Variants in PPP4R3B observed in about 807,000 individuals in gnomAD.
PPP4R3B encodes the protein serine/threonine-protein phosphatase 4 regulatory subunit 3B.
Under a neutral mutation model 95.4 loss-of-function variants are expected in PPP4R3B, and 52 were observed. The observed-to-expected ratio is 0.54, with a 90% CI of 0.44 to 0.69. The LOEUF (loss-of-function observed/expected upper bound fraction) is 0.69, where lower values mean the gene tolerates loss of function less well. PPP4R3B is among the 30% of genes least tolerant of loss of function. The pLI, the probability that PPP4R3B is intolerant of heterozygous loss-of-function variation, is 0.00. For missense variants in PPP4R3B, 1,003 were observed against 1,005.9 expected, an observed-to-expected ratio of 1.00 and a Z score of 0.04; for synonymous variants, 407 against 343.9, an observed-to-expected ratio of 1.18 and a Z score of -2.03.
chr2:55,592,814 T>A lies in PPP4R3B; in HGVS notation c.922-3858A>T, dbSNP rs573714273. ...AATTAAAACTTTGTTCTGAAAAGGA[T>A]CTTATTCTATAACTGTTTGTGCAGA... On this transcript the variant is annotated intron_variant, in intron 4 of 16. Coordinates refer to ENST00000616407, the MANE Select transcript of PPP4R3B (RefSeq NM_001122964.3). Among the ~76,000 whole-genome samples, 3 of 152,320 alleles carry A rather than the reference T, an allele frequency of 2.0e-5. No individual in the cohort carries two copies. The South Asian group carries it at 6.2e-4, about 32-fold the overall frequency.
chr2:55,594,527 A>T (rs1236031756), intron 4 of PPP4R3B, among the ~76,000 whole-genome samples: 1 of 152,156 alleles, frequency 6.6e-6, no homozygotes, highest in Non-Finnish European at 1.5e-5. Flanking sequence ...AAAATGACAA[A>T]GTTTTACAAA....
In PPP4R3B at chr2:55,573,638, CT is replaced by C; in HGVS notation, c.1745del (p.Lys582SerfsTer13). 3 of 1,538,660 alleles carry C rather than the reference CT, an allele frequency of 1.9e-6. No homozygotes were observed. The highest frequency in any genetic ancestry group is 2.6e-6 in the Non-Finnish European group (3 of 1,143,524). On this transcript the variant is annotated frameshift_variant, in exon 12 of 17. Coordinates refer to ENST00000616407, the MANE Select transcript of PPP4R3B (RefSeq NM_001122964.3). LOFTEE classifies it high-confidence loss of function. ...LRRVLVLMNS[K>X]HTFLALCALR... ...ACTTACACAAGGCCAGAAAAGTGTG[CT>C]TTGAATTCATCAAGACCAAGACTCT... is the stretch of plus-strand genomic sequence containing the variant.
At chr2:55,581,210 G>A (rs1267095556) in intron 8 of PPP4R3B, among the ~76,000 whole-genome samples, 3 of 152,180 alleles carry the variant, frequency 2.0e-5, no homozygotes, top group South Asian at 2.1e-4. Context: ...CTGAGATCAC[G>A]CCACTGCACT....
At chr2:55,594,161 G>C (rs1410725501) in intron 4 of PPP4R3B, among the ~76,000 whole-genome samples, 2 of 152,092 alleles carry the variant, frequency 1.3e-5, no homozygotes, top group East Asian at 1.9e-4. Flanking sequence ...GGTAGGATGG[G>C]AGAGGACTGA....
intron 3 of PPP4R3B, among the ~76,000 whole-genome samples, chr2:55,603,453 T>C (rs532276108): frequency 6.6e-6 from 1 of 152,314 alleles, no homozygotes; most frequent in East Asian, 1.9e-4. Flanking sequence ...TTCTGCATTA[T>C]AGTTATATTT....
intron 4 of PPP4R3B, among the ~76,000 whole-genome samples, chr2:55,594,499 A>T (rs1028447544): frequency 1.8e-4 from 27 of 152,076 alleles, no homozygotes; most frequent in Non-Finnish European, 1.5e-5. Context: ...TCACAAATAA[A>T]CCTATTATAA....
intron 7 of PPP4R3B, among the ~76,000 whole-genome samples, chr2:55,584,100 T>A (rs927265384): frequency 6.6e-6 from 1 of 151,928 alleles, no homozygotes; most frequent in Non-Finnish European, 1.5e-5. Context: ...GAGCCGAGAA[T>A]GCGCCATTGC....
At chr2:55,576,164 T>C (rs1272929502) in intron 11 of PPP4R3B, among the ~76,000 whole-genome samples, 1 of 151,442 alleles carries the variant, frequency 6.6e-6, no homozygotes, top group Non-Finnish European at 1.5e-5. Flanking sequence ...CTGGCCAACA[T>C]GGTGAAACCC....
intron 9 of PPP4R3B, among the ~76,000 whole-genome samples, chr2:55,579,333 T>C (rs1689123225): frequency 6.6e-6 from 1 of 152,098 alleles, no homozygotes; most frequent in Non-Finnish European, 1.5e-5. Flanking sequence ...TCGCACAAAT[T>C]TGGCGACAAT....
chr2:55,552,708 G>A (rs1685388968), intron 16 of PPP4R3B, among the ~76,000 whole-genome samples: 1 of 152,144 alleles, frequency 6.6e-6, no homozygotes, highest in African/African-American at 2.4e-5. Context: ...TGAATTTCTG[G>A]TTGGACATTT....
chr2:55,600,881 G>A (rs1692470183), intron 3 of PPP4R3B, among the ~76,000 whole-genome samples: 1 of 152,142 alleles, frequency 6.6e-6, no homozygotes, highest in South Asian at 2.1e-4. Flanking sequence ...TGCCTAAGCT[G>A]GGCGCTGTGG....
chr2:55,560,795 A>G (rs1464620218), intron 15 of PPP4R3B, among the ~76,000 whole-genome samples: 1 of 53,568 alleles, frequency 1.9e-5, no homozygotes, highest in Admixed American at 2.3e-4. Flanking sequence ...AAAAAAAAAA[A>G]AAAAAAAAAA....
chr2:55,594,536 A>G (rs12470253), intron 4 of PPP4R3B, among the ~76,000 whole-genome samples: 13,710 of 152,168 alleles, frequency 0.09, 754 homozygotes, highest in South Asian at 0.14. Context: ...AAGTTTTACA[A>G]ATATTTATAG....
At chr2:55,560,863 G>A (rs188723710) in intron 15 of PPP4R3B, among the ~76,000 whole-genome samples, 31 of 150,952 alleles carry the variant, frequency 2.1e-4, no homozygotes, top group African/African-American at 7.0e-4. Flanking sequence ...TGAAGAAAGA[G>A]ATGGTCTGAA....
At chr2:55,613,104 C>T (rs1212636355) in intron 2 of PPP4R3B, among the ~76,000 whole-genome samples, 1 of 151,884 alleles carries the variant, frequency 6.6e-6, no homozygotes, top group Admixed American at 6.6e-5. Context: ...GAAGAAGACC[C>T]TCTCAAAAAA....
intron 9 of PPP4R3B, among the ~76,000 whole-genome samples, chr2:55,578,661 C>A (rs1467486813): frequency 6.6e-6 from 1 of 151,968 alleles, no homozygotes; most frequent in Non-Finnish European, 1.5e-5. Context: ...AACAATGCAG[C>A]AACATTCTTG....
chr2:55,569,836 C>T (rs1446688072), intron 12 of PPP4R3B, among the ~76,000 whole-genome samples: 5 of 152,088 alleles, frequency 3.3e-5, no homozygotes, highest in Non-Finnish European at 7.4e-5. Context: ...TACAATCTCT[C>T]ATCTCTGCAC....
At chr2:55,599,899 C>T (rs968254430) in intron 3 of PPP4R3B, among the ~76,000 whole-genome samples, 1 of 152,180 alleles carries the variant, frequency 6.6e-6, no homozygotes, top group Non-Finnish European at 1.5e-5. Flanking sequence ...TACCTTCACA[C>T]ATTTCCTTCA....
intron 3 of PPP4R3B, among the ~76,000 whole-genome samples, chr2:55,602,582 T>C (rs72923707): frequency 0.028 from 4,229 of 152,298 alleles, 210 homozygotes; most frequent in African/African-American, 0.097. Flanking sequence ...CATGCTTACA[T>C]AAACTCTAAT....
Sources: allele counts gnomAD v4.1 joint callset (sites outside exome capture counted in the v4.1 genomes callset), GRCh38; gene constraint gnomAD v4.1.1; transcripts MANE v1.5; gene names NCBI Gene and HGNC (gene_info 2026-07-23, HGNC 2026-07-21).